BAIAP3: variants seen among roughly 807,000 people sequenced by gnomAD.
BAIAP3 encodes BAI1-associated protein 3.
Under a neutral mutation model 149.7 loss-of-function variants are expected in BAIAP3, and 180 were observed. The observed-to-expected ratio is 1.20, with a 90% CI of 1.07 to 1.36. The LOEUF (loss-of-function observed/expected upper bound fraction) is 1.36, where lower values mean the gene tolerates loss of function less well. BAIAP3 is among the 40% of genes most tolerant of loss of function. BAIAP3 has a pLI of 0.00. For synonymous variants in BAIAP3, 845 were observed against 670.7 expected (o/e 1.26, Z -4.02); for missense variants, 1,767 against 1,563.4 (o/e 1.13, Z -2.20).
Position 1,346,361 on chromosome 16 carries a change from G to T in BAIAP3, c.2493G>T (p.Lys831Asn). The T allele has an allele frequency of 6.2e-7, 1 of 1,609,512 alleles. No homozygotes were observed. Among genetic ancestry groups the T allele is most frequent in the East Asian group, 2.2e-5 (1 of 44,756 alleles). Residue 831 changes from lysine (K) to asparagine (N), a missense_variant and splice_region_variant, in exon 25 of 34, where the codon AAG becomes AAT. Lys to Asn is a moderately conservative substitution (Grantham distance 94). Transcript: ENST00000426824. ...AHTVTAHLTSKMVGDIRKYVQ... is the reference protein window; with the variant it reads ...AHTVTAHLTSNMVGDIRKYVQ... ...CGGTGACAGCGCACCTGACCTCTAA[G>T]GTGGGTGGGGCCTGGAGACCAAGGC...
Position 1,348,029 on chromosome 16 carries a change from AAGCCCC to A in BAIAP3, c.3149+27_3149+32del, listed in dbSNP as rs551551675. 19 of 1,605,120 alleles carry A rather than the reference AAGCCCC, an allele frequency of 1.2e-5. No homozygotes were observed. The highest frequency in any genetic ancestry group is 9.4e-5 in the African/African-American group (7 of 74,596). ...GAACTCTTCTACTTGTGAGTGTCCT[AAGCCCC>A]AGCCCCAGCCCCAGGCTCCAGGCTG... On this transcript the variant is annotated intron_variant, in intron 32 of 33. Transcript: ENST00000426824.
intron 15 of BAIAP3, 96 bp downstream of exon 15, chr16:1,343,609 C>T (rs1310922368): frequency 4.0e-6 from 6 of 1,507,484 alleles, no homozygotes; most frequent in South Asian, 2.5e-5. Context: ...GAGTCCTGCC[C>T]GCGTGGGGGT....
At chr16:1,334,543 G>T in intron 1 of BAIAP3, 1 of 899,260 alleles carries the variant, frequency 1.1e-6, no homozygotes, top group Non-Finnish European at 1.7e-6. Flanking sequence ...CTCGGGCTCC[G>T]GTCTCCTGCG....
chr16:1,336,694 T>G (rs1264668964), intron 1 of BAIAP3, among the ~76,000 whole-genome samples: 1 of 152,312 alleles, frequency 6.6e-6, no homozygotes, highest in Non-Finnish European at 1.5e-5. Context: ...CGCTGCCCAC[T>G]GAGCTTATGA....
intron 24 of BAIAP3, 24 bp from the exon 25 acceptor site, chr16:1,346,146 G>T (rs1448866691): frequency 4.4e-6 from 7 of 1,608,466 alleles, no homozygotes; most frequent in Non-Finnish European, 4.2e-6. Flanking sequence ...CGGACCCATC[G>T]TTGCCTGGCC....
At position 1,342,208 on chromosome 16, in the gene BAIAP3, C is replaced by T; in HGVS notation, c.882C>T (p.Ala294=). Residue 294 remains alanine, a synonymous_variant, in exon 11 of 34, where the codon GCC becomes GCT. Coordinates refer to ENST00000426824, the MANE Select transcript of BAIAP3 (RefSeq NM_001199097.2). ...ACTTCAAACAGATCGTCAAGTCAGC[C>T]CGCGCAAACGGGACAGCAGGACCCA... ...GRYFKQIVKS[A]RANGTAGPTE... The T allele has an allele frequency of 6.2e-7, 1 of 1,609,070 alleles. No homozygotes were observed. Among genetic ancestry groups the T allele is most frequent in the Non-Finnish European group, 8.5e-7 (1 of 1,177,232 alleles).
intron 1 of BAIAP3, chr16:1,334,752 A>G: frequency 6.4e-7 from 1 of 1,551,272 alleles, no homozygotes; most frequent in Non-Finnish European, 8.7e-7. Context: ...CATCTGGAGG[A>G]GTCGGTGAGA....
In BAIAP3 at chr16:1,338,917, C is replaced by T. The variant is rs777527471; in HGVS notation, c.147C>T (p.Gly49=). The T allele has an allele frequency of 2.2e-5, 36 of 1,612,976 alleles. No individual in the cohort carries two copies. The highest frequency in any genetic ancestry group is 2.7e-5 in the African/African-American group (2 of 74,928). The change falls in exon 3 of 34, where the codon GGC becomes GGT. Residue 49 remains glycine (G), a synonymous_variant. Transcript: ENST00000426824. The stretch of plus-strand genomic sequence containing the variant: ...CTTTCTCCAGGAAACCCGGGGATGG[C>T]GTGGAGTTCTTTGCCCACATGCGCC... The part of the protein sequence containing the change: ...PATGAWKPGD[G]VEFFAHMRLM...
At chr16:1,343,680 C>G (rs1447169030) in intron 15 of BAIAP3, among the ~76,000 whole-genome samples, 167 bp downstream of exon 15, 1 of 152,332 alleles carries the variant, frequency 6.6e-6, no homozygotes, top group South Asian at 2.1e-4. Flanking sequence ...AGAAAGGAGA[C>G]GGGAGACTCG....
intron 1 of BAIAP3, chr16:1,336,484 G>C (rs942851977): frequency 1.3e-6 from 1 of 793,268 alleles, no homozygotes. Flanking sequence ...GTCTGGTCCC[G>C]TAAGAGCCTG....
At chr16:1,343,239 C>A in intron 14 of BAIAP3, 154 bp from the exon 15 acceptor site, 1 of 1,246,720 alleles carries the variant, frequency 8.0e-7, no homozygotes, top group Non-Finnish European at 1.1e-6. Flanking sequence ...GGTACGGCAG[C>A]GCTAATTGGA....
intron 33 of BAIAP3, 28 bp from the exon 34 acceptor site, chr16:1,348,351 C>T (rs765596444): frequency 6.2e-7 from 1 of 1,609,450 alleles, no homozygotes; most frequent in Non-Finnish European, 8.5e-7. Flanking sequence ...GACCCCGGCC[C>T]CCACACACCT....
Position 1,346,733 on chromosome 16 carries a change from G to T in BAIAP3, c.2642+49G>T, listed in dbSNP as rs1337051917. 8 of 1,514,522 alleles carry T rather than the reference G, an allele frequency of 5.3e-6. No homozygotes were observed. The African/African-American group carries it at 5.6e-5, about 11-fold the overall frequency. The allele number at this position is 1,514,522 out of a possible 1,614,324, so 93.8% of individuals were successfully genotyped here. ...GGCTGGGCTGGCCCGTGGTCACTGAGGCCGCCCTGCAGGGTGCCGGAGGCC... is the reference window on the plus strand; with the variant it reads ...GGCTGGGCTGGCCCGTGGTCACTGATGCCGCCCTGCAGGGTGCCGGAGGCC... On this transcript the variant is annotated intron_variant, in intron 27 of 33. Transcript: ENST00000426824.
chr16:1,343,947 C>A, intron 15 of BAIAP3, 75 bp from the exon 16 acceptor site: 2 of 1,586,078 alleles, frequency 1.3e-6, no homozygotes, highest in Non-Finnish European at 1.7e-6. Context: ...GTGTTGCGGG[C>A]CAAGGCAGGG....
intron 15 of BAIAP3, among the ~76,000 whole-genome samples, chr16:1,343,789 G>C (rs1183191238): frequency 6.6e-6 from 1 of 152,248 alleles, no homozygotes. Context: ...GGCCCTGGCA[G>C]GACGGACGTG....
chr16:1,346,286 G>C lies in BAIAP3; in HGVS notation c.2418G>C (p.Leu806=). The C allele has an allele frequency of 6.2e-7, 1 of 1,608,008 alleles. No homozygotes were observed. The highest frequency in any genetic ancestry group is 8.5e-7 in the Non-Finnish European group (1 of 1,176,608). Residue 806 remains leucine (L), a synonymous_variant, in exon 25 of 34, where the codon CTG becomes CTC. Coordinates refer to ENST00000426824, the MANE Select transcript of BAIAP3 (RefSeq NM_001199097.2). ...CCGAGGGGGTGCTCCCCCGCCCTCT[G>C]CTCAGCTGCACACAGGCCCTGGACG... The part of the protein sequence containing the change: ...TGPEGVLPRP[L]LSCTQALDDD...
At chr16:1,338,820 G>T (rs2033651673) in intron 2 of BAIAP3, 82 bp from the exon 3 acceptor site, 1 of 1,591,622 alleles carries the variant, frequency 6.3e-7, no homozygotes, top group African/African-American at 1.3e-5. Flanking sequence ...ATGTCACATG[G>T]CCCTTCCTGC....
intron 23 of BAIAP3, 44 bp from the exon 24 acceptor site, chr16:1,345,942 G>T: frequency 6.3e-7 from 1 of 1,585,810 alleles, no homozygotes; most frequent in African/African-American, 1.3e-5. Context: ...AGGAGATGGG[G>T]CAGGGGAGGG....
chr16:1,346,451 G>A lies in BAIAP3; in HGVS notation c.2503G>A (p.Asp835Asn), dbSNP rs540251081. ...CTGCTCCTGCCCTCAGATGGTGGGC[G>A]ACATCCGCAAGTATGTACAGCACAT... is the stretch of plus-strand genomic sequence containing the variant. The part of the protein sequence containing the change: ...TAHLTSKMVG[D>N]IRKYVQHISL... The change falls in exon 26 of 34, where the codon GAC (aspartate) becomes AAC (asparagine). Residue 835 changes from aspartate (D) to asparagine (N), a missense_variant. Physicochemically the swap from Asp to Asn is conservative, Grantham distance 23. Transcript: ENST00000426824. The A allele has an allele frequency of 4.1e-5, 66 of 1,612,326 alleles. No homozygotes were observed. Among genetic ancestry groups the A allele is most frequent in the Middle Eastern group, 1.7e-4 (1 of 6,060 alleles).
Sources: gnomAD v4.1 joint callset for allele counts (sites outside exome capture counted in the v4.1 genomes callset) on GRCh38, gnomAD v4.1.1 for gene constraint, MANE v1.5 for transcripts, NCBI Gene and HGNC (gene_info 2026-07-23, HGNC 2026-07-21) for gene names.